The following CHRM3 variants were observed in gnomAD, a reference collection of about 807,000 sequenced individuals.
CHRM3 encodes the protein cholinergic receptor muscarinic 3.
In CHRM3, 11 loss-of-function variants were observed where a neutral mutation model predicts 41.8. The ratio of observed to expected loss-of-function variants is 0.26; its 90% CI spans 0.17 to 0.44. CHRM3 has a LOEUF of 0.44. Ranked by LOEUF, CHRM3 falls within the 20% of genes least tolerant of loss-of-function variation. The probability of loss-of-function intolerance (pLI) is 1.00; values close to 1 mark genes in which losing one functional copy is unlikely to be tolerated. For synonymous variants in CHRM3, 297 were observed against 301.4 expected (o/e 0.99, Z 0.15); for missense variants, 571 against 745.4 (o/e 0.77, Z 2.72).
intron 3 of CHRM3, among the ~76,000 whole-genome samples, chr1:239,624,467 G>C (rs1418763572): frequency 9.4e-6 from 1 of 106,908 alleles, no homozygotes; most frequent in Non-Finnish European, 1.9e-5. Flanking sequence ...CACTCTGATG[G>C]TAGTTTCTTT....
chr1:239,502,405 G>A (rs1442257303), intron 2 of CHRM3, among the ~76,000 whole-genome samples: 1 of 151,968 alleles, frequency 6.6e-6, no homozygotes, highest in Non-Finnish European at 1.5e-5. Context: ...ACTCTGAACA[G>A]ACCAATAACA....
At chr1:239,424,822 G>T (rs1558213739) in intron 1 of CHRM3, among the ~76,000 whole-genome samples, 1 of 152,168 alleles carries the variant, frequency 6.6e-6, no homozygotes. Context: ...ATCATGTAGG[G>T]CTCTTTAAGC....
chr1:239,838,558 T>C (rs914807151), intron 6 of CHRM3, among the ~76,000 whole-genome samples: 3 of 152,224 alleles, frequency 2.0e-5, no homozygotes, highest in African/African-American at 7.2e-5. Flanking sequence ...TGATCTCATG[T>C]TCCTTACCAC....
intron 6 of CHRM3, among the ~76,000 whole-genome samples, chr1:239,887,125 C>T (rs1678139130): frequency 6.6e-6 from 1 of 151,824 alleles, no homozygotes; most frequent in Admixed American, 6.6e-5. Flanking sequence ...AGAGAATCCA[C>T]TTTCTTCTTC....
intron 1 of CHRM3, among the ~76,000 whole-genome samples, chr1:239,412,226 T>A (rs1661136847): frequency 8.5e-6 from 1 of 117,106 alleles, no homozygotes; most frequent in Admixed American, 8.5e-5. Context: ...ACTCTTTTTC[T>A]CCCCTTTCTT....
intron 5 of CHRM3, among the ~76,000 whole-genome samples, chr1:239,720,340 A>G (rs906784168): frequency 6.6e-6 from 1 of 152,014 alleles, no homozygotes; most frequent in East Asian, 1.9e-4. Context: ...TCATGTTCAT[A>G]TAGTCACTGG....
At chr1:239,839,890 A>G (rs1003762808) in intron 6 of CHRM3, among the ~76,000 whole-genome samples, 5 of 152,176 alleles carry the variant, frequency 3.3e-5, no homozygotes, top group African/African-American at 1.2e-4. Flanking sequence ...AAAGGAAGGT[A>G]GACATAGGCT....
intron 4 of CHRM3, among the ~76,000 whole-genome samples, chr1:239,648,170 C>T (rs549774238): frequency 1.3e-5 from 2 of 152,288 alleles, no homozygotes; most frequent in South Asian, 4.1e-4. Context: ...CCGCTCTGCC[C>T]TATCCACCCC....
intron 5 of CHRM3, among the ~76,000 whole-genome samples, chr1:239,812,317 G>A (rs565275739): frequency 6.6e-6 from 1 of 152,342 alleles, no homozygotes; most frequent in Admixed American, 6.5e-5. Flanking sequence ...TGGGATTACA[G>A]GCATGAATCA....
intron 6 of CHRM3, among the ~76,000 whole-genome samples, chr1:239,833,308 A>G (rs1673044259): frequency 6.6e-6 from 1 of 152,094 alleles, no homozygotes; most frequent in Admixed American, 6.6e-5. Context: ...AAGCTCCTTG[A>G]CTGCTCATGC....
rs570878631 is a variant in CHRM3, at chr1:239,580,704, T to TATATATATATATAC, written c.-313+34956_-313+34957insTATATATATATACA. Among the ~76,000 whole-genome samples the TATATATATATATAC allele has an allele frequency of 4.3e-4, 56 of 131,072 alleles. 1 individual carries two copies. Among genetic ancestry groups the TATATATATATATAC allele is most frequent in the African/African-American group, 1.6e-3 (56 of 34,986 alleles). 86.0% of individuals were successfully genotyped at this position (131,072 alleles called of 152,430 possible). ...TTGCCCAATTTTATATATATATATA[T>TATATATATATATAC]ACACACACACACACACACACACACA... On this transcript the variant is annotated intron_variant, in intron 3 of 6. Transcript: ENST00000676153.
intron 5 of CHRM3, among the ~76,000 whole-genome samples, chr1:239,730,109 T>A (rs1663822145): frequency 6.6e-6 from 1 of 151,998 alleles, no homozygotes; most frequent in Non-Finnish European, 1.5e-5. Context: ...ATGTTTAAGT[T>A]AGAAAATATA....
chr1:239,621,242 T>A (rs533982648), intron 3 of CHRM3, among the ~76,000 whole-genome samples: 1 of 152,218 alleles, frequency 6.6e-6, no homozygotes, highest in African/African-American at 2.4e-5. Flanking sequence ...GTGTTCTGAC[T>A]GCTCCACCAA....
chr1:239,743,069 A>G (rs1032077476), intron 5 of CHRM3, among the ~76,000 whole-genome samples: 5 of 152,114 alleles, frequency 3.3e-5, no homozygotes, highest in East Asian at 1.9e-4. Flanking sequence ...TACTCAGGGG[A>G]AAAAAAAGAA....
intron 3 of CHRM3, among the ~76,000 whole-genome samples, chr1:239,611,576 A>T (rs1052244127): frequency 2.0e-5 from 3 of 151,934 alleles, no homozygotes; most frequent in African/African-American, 7.2e-5. Flanking sequence ...ATGCGTCACC[A>T]TGCCCGGCTA....
chr1:239,804,255 G>A (rs576367568), intron 5 of CHRM3, among the ~76,000 whole-genome samples: 1 of 152,228 alleles, frequency 6.6e-6, no homozygotes, highest in Non-Finnish European at 1.5e-5. Flanking sequence ...AAACGCAGGA[G>A]TGAAGAATGA....
intron 3 of CHRM3, chr1:239,629,104 G>A (rs1379146352): frequency 1.1e-4 from 14 of 128,432 alleles, no homozygotes; most frequent in East Asian, 4.7e-4. Context: ...CCCCAGCCTC[G>A]TTGCCGCCTT....
chr1:239,530,193 G>A (rs1481717347), intron 2 of CHRM3, among the ~76,000 whole-genome samples: 1 of 152,064 alleles, frequency 6.6e-6, no homozygotes, highest in Non-Finnish European at 1.5e-5. Context: ...GTGAGCCACC[G>A]TGCCCGGCCC....
intron 6 of CHRM3, among the ~76,000 whole-genome samples, chr1:239,851,098 G>A (rs1229125681): frequency 1.3e-5 from 2 of 152,146 alleles, no homozygotes; most frequent in Non-Finnish European, 2.9e-5. Context: ...TAATACTGAT[G>A]AGGAAAACTC....
Sources: gnomAD v4.1 joint callset for allele counts (sites outside exome capture counted in the v4.1 genomes callset) on GRCh38, gnomAD v4.1.1 for gene constraint, MANE v1.5 for transcripts, NCBI Gene and HGNC (gene_info 2026-07-23, HGNC 2026-07-21) for gene names.